Variants in GPAM observed in about 807,000 individuals in gnomAD.
GPAM encodes glycerol-3-phosphate acyltransferase, mitochondrial.
GPAM carries 56 observed loss-of-function variants against 105.0 expected under a neutral mutation model. The ratio of observed to expected loss-of-function variants is 0.53; its 90% CI spans 0.43 to 0.67. The LOEUF is 0.67. Ranked by LOEUF, GPAM falls within the 30% of genes least tolerant of loss-of-function variation. The pLI, the probability that GPAM is intolerant of heterozygous loss-of-function variation, is 0.00. For synonymous variants in GPAM, 368 were observed against 354.4 expected, an observed-to-expected ratio of 1.04 and a Z score of -0.43; for missense variants, 855 against 989.8, an observed-to-expected ratio of 0.86 and a Z score of 1.83.
chr10:112,172,361 A>C (rs1398550553), intron 8 of GPAM, 43 bp from the exon 9 acceptor site: 22 of 1,559,064 alleles, frequency 1.4e-5, no homozygotes, highest in Non-Finnish European at 1.7e-5. Context: ...CAAATGTAAA[A>C]TTCAATCACA....
intron 15 of GPAM, 40 bp from the exon 16 acceptor site, chr10:112,160,908 C>G: frequency 6.3e-7 from 1 of 1,588,920 alleles, no homozygotes; most frequent in Admixed American, 1.7e-5. Flanking sequence ...GGTGGAAAAC[C>G]TACTTTCCAA....
At chr10:112,225,875 C>T in the GPAM span, among the ~76,000 whole-genome samples, 1 of 152,104 alleles carries the variant, frequency 6.6e-6, no homozygotes, top group Non-Finnish European at 1.5e-5. Flanking sequence ...TAGAAGAATG[C>T]CTGGCACAAT....
chr10:112,223,568 C>A, the GPAM span, among the ~76,000 whole-genome samples: 1 of 152,218 alleles, frequency 6.6e-6, no homozygotes, highest in Non-Finnish European at 1.5e-5. Flanking sequence ...CAAATCACTT[C>A]TTATGTTCCC....
chr10:112,195,322 C>A (rs1380177016), intron 1 of GPAM, among the ~76,000 whole-genome samples: 1 of 152,176 alleles, frequency 6.6e-6, no homozygotes, highest in African/African-American at 2.4e-5. Flanking sequence ...GTGTTAAATA[C>A]CTAGCTCAGT....
chr10:112,161,566 T>G (rs1010588696), intron 15 of GPAM, 101 bp downstream of exon 15: 1 of 858,204 alleles, frequency 1.2e-6, no homozygotes, highest in Non-Finnish European at 2.0e-6. Context: ...CTCATAGTAC[T>G]AGCCATGAGT....
Position 112,152,500 on chromosome 10 carries a change from T to G in GPAM, c.*1050A>C, listed in dbSNP as rs960671118. On this transcript the variant is annotated 3_prime_UTR_variant, in exon 22 of 22. Transcript: ENST00000348367. ...CACCACATGCATATACTGGACAGGT[T>G]GTGCACGGCACAACTCGAGTGGGTA... 4.1e-6 allele frequency: 4 copies of G among 984,944 alleles called. No individual in the cohort carries two copies. Among genetic ancestry groups the G allele is most frequent in the East Asian group, 1.1e-4 (1 of 8,824 alleles). 61.0% of individuals were successfully genotyped at this position (984,944 alleles called of 1,614,324 possible).
At position 112,152,970 on chromosome 10, in the gene GPAM, C is replaced by T. The variant is rs966126786; in HGVS notation, c.*580G>A. On this transcript the variant is annotated 3_prime_UTR_variant, in exon 22 of 22. Coordinates refer to ENST00000348367, the MANE Select transcript of GPAM (RefSeq NM_001244949.2). ...TTCTAAATCTGACAGCAAAGGACAGCACAGTGATACCTGGGTGTGATATAT... is the reference window on the plus strand; with the variant it reads ...TTCTAAATCTGACAGCAAAGGACAGTACAGTGATACCTGGGTGTGATATAT... 4.9e-5 allele frequency: 11 copies of T among 223,224 alleles called. No individual in the cohort carries two copies. The highest frequency in any genetic ancestry group is 1.6e-4 in the South Asian group (1 of 6,292). 13.8% of individuals were successfully genotyped at this position (223,224 alleles called of 1,614,324 possible).
the GPAM span, among the ~76,000 whole-genome samples, chr10:112,226,406 C>A: frequency 6.6e-6 from 1 of 152,080 alleles, no homozygotes; most frequent in Non-Finnish European, 1.5e-5. Flanking sequence ...AGCCATTTCC[C>A]ACTGGAAATA....
intron 5 of GPAM, 89 bp downstream of exon 5, chr10:112,177,895 G>C: frequency 1.4e-6 from 1 of 736,678 alleles, no homozygotes; most frequent in East Asian, 2.6e-5. Flanking sequence ...TCTCAGTAAT[G>C]CAAAGCAATT....
intron 17 of GPAM, among the ~76,000 whole-genome samples, chr10:112,158,965 G>A (rs926215191): frequency 6.6e-5 from 10 of 151,992 alleles, no homozygotes; most frequent in Non-Finnish European, 1.2e-4. Flanking sequence ...TGGAGGGGGC[G>A]GTACTCCTAA....
intron 12 of GPAM, among the ~76,000 whole-genome samples, 164 bp downstream of exon 12, chr10:112,166,238 T>C (rs537789937): frequency 3.9e-5 from 6 of 152,240 alleles, no homozygotes; most frequent in Admixed American, 3.9e-4. Context: ...TAGGCAAATT[T>C]TGTGGAAAAA....
the GPAM span, among the ~76,000 whole-genome samples, chr10:112,223,267 TC>T: frequency 6.6e-6 from 1 of 152,176 alleles, no homozygotes; most frequent in Non-Finnish European, 1.5e-5. Context: ...ACATATCTAC[TC>T]CTGTTTCAGT....
In GPAM at chr10:112,202,506, C is replaced by A. The variant is rs150019565; in HGVS notation, n.210+12662G>T. Among the ~76,000 whole-genome samples the A allele has an allele frequency of 1.1e-3, 166 of 152,270 alleles. 1 individual carries two copies. The highest frequency in any genetic ancestry group is 1.8e-3 in the Non-Finnish European group (121 of 68,010). ...AAAAGGCAAAATAGGAAATTGAGTT[C>A]TAATAGGAATTATGACTCCAAACCT... On this transcript the variant is annotated intron_variant and non_coding_transcript_variant, in intron 1 of 3. Transcript: ENST00000480130.
At chr10:112,203,483 C>T (rs1198764108) in intron 1 of GPAM, among the ~76,000 whole-genome samples, 1 of 152,190 alleles carries the variant, frequency 6.6e-6, no homozygotes, top group Non-Finnish European at 1.5e-5. Context: ...GCATTGAGGT[C>T]CTAGTTACTA....
chr10:112,221,241 T>C, the GPAM span, among the ~76,000 whole-genome samples: 3 of 152,226 alleles, frequency 2.0e-5, no homozygotes, highest in Admixed American at 6.5e-5. Flanking sequence ...TGCCAGTTTT[T>C]GCCCCTTAAT....
intron 1 of GPAM, among the ~76,000 whole-genome samples, chr10:112,193,759 T>C (rs1425170444): frequency 6.6e-6 from 1 of 152,210 alleles, no homozygotes; most frequent in Non-Finnish European, 1.5e-5. Flanking sequence ...ATGATAATTG[T>C]TTTTAGGATT....
chr10:112,163,326 A>G (rs763499611), intron 14 of GPAM, among the ~76,000 whole-genome samples: 3 of 152,222 alleles, frequency 2.0e-5, no homozygotes, highest in Non-Finnish European at 4.4e-5. Context: ...CTGCATTACA[A>G]AAACTCATGG....
chr10:112,199,824 C>A (rs1328979716), intron 1 of GPAM, among the ~76,000 whole-genome samples: 2 of 152,066 alleles, frequency 1.3e-5, no homozygotes, highest in Admixed American at 1.3e-4. Flanking sequence ...GAGACTTATT[C>A]CCTACCATGG....
Position 112,153,505 on chromosome 10 carries a change from G to T in GPAM, c.*45C>A, listed in dbSNP as rs750493652. 1.2e-6 allele frequency: 2 copies of T among 1,612,544 alleles called. No individual in the cohort carries two copies. Among genetic ancestry groups the T allele is most frequent in the Admixed American group, 1.7e-5 (1 of 59,978 alleles). ...TGAGCCAGAAGCTGGTACCTACAAGGAACTCATCTCATGACCTTCATTTGC... is the reference window on the plus strand; with the variant it reads ...TGAGCCAGAAGCTGGTACCTACAAGTAACTCATCTCATGACCTTCATTTGC... On this transcript the variant is annotated 3_prime_UTR_variant, in exon 22 of 22. Transcript: ENST00000348367.
Sources: gnomAD v4.1 joint callset for allele counts (sites outside exome capture counted in the v4.1 genomes callset) on GRCh38, gnomAD v4.1.1 for gene constraint, MANE v1.5 for transcripts, NCBI Gene and HGNC (gene_info 2026-07-23, HGNC 2026-07-21) for gene names.